The following FDFT1 variants were observed in gnomAD, a reference collection of about 807,000 sequenced individuals.
The protein encoded by FDFT1 is farnesyl-diphosphate farnesyltransferase 1.
Under a neutral mutation model 46.8 loss-of-function variants are expected in FDFT1, and 68 were observed. The observed-to-expected ratio is 1.45, with a 90% confidence interval of 1.19 to 1.78. The LOEUF (loss-of-function observed/expected upper bound fraction) is 1.78. Ranked by LOEUF, FDFT1 falls within the 40% of genes most tolerant of loss-of-function variation. FDFT1 has a pLI of 0.00. For synonymous variants in FDFT1, 351 were observed against 185.1 expected, an observed-to-expected ratio of 1.90 and a Z score of -7.28; for missense variants, 928 against 524.4, an observed-to-expected ratio of 1.77 and a Z score of -7.52.
chr8:11,832,912 T>C (rs925526560), intron 7 of FDFT1, among the ~76,000 whole-genome samples: 4 of 152,178 alleles, frequency 2.6e-5, no homozygotes, highest in African/African-American at 9.7e-5. Flanking sequence ...CTAGTCCCCC[T>C]GTTACGCGTT....
intron 4 of FDFT1, among the ~76,000 whole-genome samples, chr8:11,824,856 C>A (rs766436924): frequency 6.6e-6 from 1 of 152,194 alleles, no homozygotes; most frequent in Admixed American, 6.5e-5. Flanking sequence ...CTGCCTTAGC[C>A]TTCTGAGTAG....
chr8:11,810,984 G>C (rs1303624330), intron 3 of FDFT1, among the ~76,000 whole-genome samples: 3 of 149,988 alleles, frequency 2.0e-5, no homozygotes, highest in African/African-American at 7.3e-5. Context: ...GACTCTTGCG[G>C]TGCAAAGGCT....
In FDFT1 at chr8:11,814,916, C is replaced by A. The variant is rs542822820; in HGVS notation, c.381+5066C>A. On this transcript the variant is annotated intron_variant, in intron 3 of 7. Transcript: ENST00000220584. The stretch of plus-strand genomic sequence containing the variant: ...TAAGTTCTAGGGTACATGTGCACAA[C>A]GTGCAGGTTTGTTACATAGGTATAC... Among the ~76,000 whole-genome samples the A allele has an allele frequency of 2.0e-5, 3 of 151,874 alleles. No individual in the cohort carries two copies. The East Asian group carries it at 5.8e-4, about 29-fold the overall frequency.
At chr8:11,835,054 G>A (rs900866900) in intron 7 of FDFT1, among the ~76,000 whole-genome samples, 1 of 152,158 alleles carries the variant, frequency 6.6e-6, no homozygotes, top group South Asian at 2.1e-4. Flanking sequence ...AACTCGGGAG[G>A]TGGAGGTTGT....
In FDFT1 at chr8:11,830,407, G is replaced by T; in HGVS notation, c.866G>T (p.Cys289Phe). The T allele has an allele frequency of 6.2e-7, 1 of 1,613,344 alleles. No homozygotes were observed. Among genetic ancestry groups the T allele is most frequent in the Non-Finnish European group, 8.5e-7 (1 of 1,179,554 alleles). ...RLRNQSVFNFCAIPQVMAIAT... is the reference protein window; with the variant it reads ...RLRNQSVFNFFAIPQVMAIAT... ...AGAAACCAGAGTGTGTTTAACTTCTGTGCTATTCCACAGGTAGGGAAGGGG... is the reference window on the plus strand; with the variant it reads ...AGAAACCAGAGTGTGTTTAACTTCTTTGCTATTCCACAGGTAGGGAAGGGG... Residue 289 changes from cysteine to phenylalanine, a missense_variant, in exon 6 of 8, where the codon TGT becomes TTT. Physicochemically the swap from Cys to Phe is radical, Grantham distance 205 (BLOSUM62 -2). Coordinates refer to ENST00000220584, the MANE Select transcript of FDFT1 (RefSeq NM_004462.5).
chr8:11,833,204 G>T (rs929121821), intron 7 of FDFT1, among the ~76,000 whole-genome samples: 3 of 152,190 alleles, frequency 2.0e-5, no homozygotes, highest in African/African-American at 4.8e-5. Context: ...ATTTTGCCAT[G>T]TAGCCAGAAC....
intron 1 of FDFT1, chr8:11,803,536 C>T (rs1806418072): frequency 8.5e-7 from 1 of 1,180,420 alleles, no homozygotes; most frequent in South Asian, 1.5e-5. Flanking sequence ...CTTGGTTTTA[C>T]TTAGATTTTT....
chr8:11,813,888 A>C (rs1444938665), intron 3 of FDFT1, among the ~76,000 whole-genome samples: 1 of 149,940 alleles, frequency 6.7e-6, no homozygotes, highest in Non-Finnish European at 1.5e-5. Context: ...CTGAGTGCGG[A>C]GTCAGGAAAG....
intron 7 of FDFT1, among the ~76,000 whole-genome samples, chr8:11,835,003 C>T (rs1193557271): frequency 6.6e-6 from 1 of 152,162 alleles, no homozygotes; most frequent in African/African-American, 2.4e-5. Context: ...GCACACTTGT[C>T]ATCCCAGCTA....
rs147848089 is a variant in FDFT1, at chr8:11,830,387, C to T, written c.846C>T (p.Asn282=). ...TCACCTACCTTTCGAGACTCAGAAA[C>T]CAGAGTGTGTTTAACTTCTGTGCTA... ...DVITYLSRLR[N]QSVFNFCAIP... is the part of the protein sequence containing the mutation. The change falls in exon 6 of 8, where the codon AAC becomes AAT. Residue 282 remains asparagine (N), a synonymous_variant. Transcript: ENST00000220584. The T allele has an allele frequency of 6.2e-7, 1 of 1,613,792 alleles. No individual in the cohort carries two copies. Among genetic ancestry groups the T allele is most frequent in the Non-Finnish European group, 8.5e-7 (1 of 1,179,830 alleles).
At chr8:11,834,177 G>A (rs1811231407) in intron 7 of FDFT1, among the ~76,000 whole-genome samples, 1 of 152,162 alleles carries the variant, frequency 6.6e-6, no homozygotes, top group Non-Finnish European at 1.5e-5. Context: ...GAAGGGACTT[G>A]CCAGAGGACC....
At chr8:11,812,265 C>G (rs984338311) in intron 3 of FDFT1, among the ~76,000 whole-genome samples, 3 of 152,254 alleles carry the variant, frequency 2.0e-5, no homozygotes, top group African/African-American at 7.2e-5. Flanking sequence ...GAGCCCACGT[C>G]TGCGTCCGCA....
chr8:11,802,385 T>A (rs748833950), upstream of FDFT1: 1 of 455,746 alleles, frequency 2.2e-6, no homozygotes, highest in African/African-American at 2.0e-5. Flanking sequence ...CGGACCACCG[T>A]TGGGCTCCTG....
chr8:11,836,546 TC>T (rs1459307300), intron 7 of FDFT1, among the ~76,000 whole-genome samples: 1 of 152,226 alleles, frequency 6.6e-6, no homozygotes, highest in African/African-American at 2.4e-5. Flanking sequence ...ACTCAACACA[TC>T]CTTGATAGGC....
intron 7 of FDFT1, among the ~76,000 whole-genome samples, chr8:11,832,468 T>G (rs1180951159): frequency 6.9e-6 from 1 of 144,302 alleles, no homozygotes; most frequent in Non-Finnish European, 1.5e-5. Context: ...GTGGATCACA[T>G]GAGCCTGAGA....
intron 3 of FDFT1, among the ~76,000 whole-genome samples, chr8:11,814,837 T>G (rs957410968): frequency 6.6e-6 from 1 of 152,138 alleles, no homozygotes; most frequent in Non-Finnish European, 1.5e-5. Context: ...CTCACTAGAA[T>G]CTAAGCTCTT....
At chr8:11,816,881 C>G (rs758418705) in intron 3 of FDFT1, among the ~76,000 whole-genome samples, 8 of 151,994 alleles carry the variant, frequency 5.3e-5, no homozygotes, top group Non-Finnish European at 1.0e-4. Context: ...CCTGATTATC[C>G]TGGCCAGAAC....
At chr8:11,820,168 G>A (rs1809022513) in intron 3 of FDFT1, among the ~76,000 whole-genome samples, 1 of 152,152 alleles carries the variant, frequency 6.6e-6, no homozygotes, top group South Asian at 2.1e-4. Context: ...TATCACCAGT[G>A]GAGGCTGCAG....
chr8:11,798,417 C>G (rs1805780422), upstream of FDFT1, among the ~76,000 whole-genome samples: 1 of 152,112 alleles, frequency 6.6e-6, no homozygotes, highest in Admixed American at 6.6e-5. Context: ...CAGGGGAAGT[C>G]AACTTCAACA....
Sources: gnomAD v4.1 joint callset for allele counts (sites outside exome capture counted in the v4.1 genomes callset) on GRCh38, gnomAD v4.1.1 for gene constraint, MANE v1.5 for transcripts, NCBI Gene and HGNC (gene_info 2026-07-23, HGNC 2026-07-21) for gene names.